Variants in BCL2L13 observed in about 807,000 individuals in gnomAD.
The protein encoded by BCL2L13 is BCL2 like 13.
BCL2L13 carries 13 observed loss-of-function variants against 25.8 expected under a neutral mutation model. That is an observed-to-expected ratio of 0.50 (90% confidence interval 0.33 to 0.80). BCL2L13 has a LOEUF of 0.80. Among genes scored for constraint, BCL2L13 ranks in the 30% least tolerant of loss-of-function variants. The probability of loss-of-function intolerance (pLI) is 0.02; values close to 1 mark genes in which losing one functional copy is unlikely to be tolerated. For synonymous variants in BCL2L13, 244 were observed against 230.3 expected, an observed-to-expected ratio of 1.06 and a Z score of -0.54; for missense variants, 504 against 574.9, an observed-to-expected ratio of 0.88 and a Z score of 1.26.
intron 2 of BCL2L13, among the ~76,000 whole-genome samples, chr22:17,679,288 T>TG (rs1568963048): frequency 1.4e-3 from 101 of 71,238 alleles, no homozygotes; most frequent in African/African-American, 4.9e-3. Context: ...TTTTTTTTTT[T>TG]GAGACAGTTT....
At chr22:17,725,110 TC>T (rs1404242110) in intron 6 of BCL2L13, among the ~76,000 whole-genome samples, 2 of 152,194 alleles carry the variant, frequency 1.3e-5, no homozygotes, top group Non-Finnish European at 2.9e-5. Context: ...CACTCAGACT[TC>T]CTGACAAAAG....
intron 5 of BCL2L13, among the ~76,000 whole-genome samples, chr22:17,700,242 AAG>A (rs1254879249): frequency 2.0e-5 from 3 of 152,164 alleles, no homozygotes; most frequent in African/African-American, 7.2e-5. Context: ...AAAACAGAAT[AAG>A]AGAATAGTGG....
intron 2 of BCL2L13, among the ~76,000 whole-genome samples, chr22:17,682,755 T>C (rs2059793368): frequency 6.6e-6 from 1 of 152,216 alleles, no homozygotes; most frequent in African/African-American, 2.4e-5. Flanking sequence ...TTTTGATTTT[T>C]GTTTTTTAAT....
upstream of BCL2L13, among the ~76,000 whole-genome samples, chr22:17,634,310 C>T (rs1165582079): frequency 1.3e-5 from 2 of 152,008 alleles, no homozygotes; most frequent in Admixed American, 6.6e-5. Flanking sequence ...CTCAGTCTCC[C>T]GAGTAGCTGG....
chr22:17,697,284 C>A (rs1188304502), intron 5 of BCL2L13, among the ~76,000 whole-genome samples: 1 of 151,940 alleles, frequency 6.6e-6, no homozygotes, highest in African/African-American at 2.4e-5. Flanking sequence ...ACTAAAAATA[C>A]AAAATTAGCT....
At chr22:17,721,851 G>T (rs1017462936) in intron 6 of BCL2L13, among the ~76,000 whole-genome samples, 1 of 151,546 alleles carries the variant, frequency 6.6e-6, no homozygotes, top group Admixed American at 6.6e-5. Context: ...TAGTAGAGAC[G>T]GGGTTTCACC....
At chr22:17,722,839 C>A (rs1042492009) in intron 6 of BCL2L13, among the ~76,000 whole-genome samples, 9 of 152,088 alleles carry the variant, frequency 5.9e-5, no homozygotes, top group African/African-American at 1.7e-4. Flanking sequence ...ATATATATAT[C>A]CCTTTAGGAT....
At chr22:17,678,170 A>T (rs1042081133) in intron 2 of BCL2L13, among the ~76,000 whole-genome samples, 2 of 152,140 alleles carry the variant, frequency 1.3e-5, no homozygotes, top group African/African-American at 4.8e-5. Context: ...CGATGGGAAC[A>T]TGCCACTGTG....
At chr22:17,690,780 A>T (rs756413789) in intron 4 of BCL2L13, among the ~76,000 whole-genome samples, 1 of 152,196 alleles carries the variant, frequency 6.6e-6, no homozygotes, top group Non-Finnish European at 1.5e-5. Context: ...AATAAAAATT[A>T]AAAAAGTCGT....
intron 1 of BCL2L13, among the ~76,000 whole-genome samples, chr22:17,651,416 T>C (rs919015354): frequency 1.3e-5 from 2 of 152,032 alleles, no homozygotes; most frequent in African/African-American, 2.4e-5. Context: ...GGAGTCTTAC[T>C]CTGTTGCCCA....
intron 1 of BCL2L13, among the ~76,000 whole-genome samples, chr22:17,651,234 G>A (rs374145752): frequency 4.2e-4 from 63 of 149,856 alleles, no homozygotes; most frequent in African/African-American, 1.4e-3. Flanking sequence ...TCCTGACCTC[G>A]TGATCTACCC....
intron 5 of BCL2L13, among the ~76,000 whole-genome samples, chr22:17,700,614 A>G (rs1458184500): frequency 6.6e-6 from 1 of 152,180 alleles, no homozygotes; most frequent in South Asian, 2.1e-4. Flanking sequence ...ACCTGCTTCT[A>G]CCCGAGGCAA....
intron 1 of BCL2L13, among the ~76,000 whole-genome samples, chr22:17,655,378 C>G (rs1472891853): frequency 1.3e-5 from 2 of 148,462 alleles, no homozygotes; most frequent in African/African-American, 5.0e-5. Context: ...AGTAAGTCAT[C>G]TAGTATTATC....
intron 1 of BCL2L13, among the ~76,000 whole-genome samples, chr22:17,629,256 T>C (rs1478879142): frequency 6.6e-6 from 1 of 152,136 alleles, no homozygotes; most frequent in African/African-American, 2.4e-5. Context: ...TCAACCTTGA[T>C]TACCTGAATA....
At chr22:17,712,043 A>G (rs2060778163) in intron 6 of BCL2L13, among the ~76,000 whole-genome samples, 1 of 151,700 alleles carries the variant, frequency 6.6e-6, no homozygotes, top group African/African-American at 2.4e-5. Context: ...TTTTGGTGTA[A>G]ATTTTTAATG....
intron 3 of BCL2L13, among the ~76,000 whole-genome samples, chr22:17,684,315 AAATAAT>A (rs997323920): frequency 2.0e-5 from 3 of 152,002 alleles, no homozygotes; most frequent in African/African-American, 7.3e-5. Flanking sequence ...TTTATTAAAT[AAATAAT>A]AATAATAATA....
intron 6 of BCL2L13, among the ~76,000 whole-genome samples, chr22:17,710,536 C>T (rs972189749): frequency 2.6e-5 from 4 of 151,252 alleles, no homozygotes; most frequent in Admixed American, 1.3e-4. Flanking sequence ...GCTGAGATCA[C>T]GCCACTGCAC....
chr22:17,727,322 G>T lies in BCL2L13; in HGVS notation c.1246G>T (p.Ala416Ser), dbSNP rs1034245755. The change falls in exon 7 of 7, where the codon GCA (alanine) becomes TCA (serine). Residue 416 changes from alanine (A) to serine (S), a missense_variant. Transcript: ENST00000317582. ...GCTGCTGAGTGAGAAGGAGATAAAC[G>T]CAAGGGAAGAGAGCCTTGTGGAAGA... The part of the protein sequence containing the change: ...ETLLSEKEIN[A>S]REESLVEELS... 1 of 1,614,242 alleles carries T rather than the reference G, an allele frequency of 6.2e-7. No individual in the cohort carries two copies.
intron 4 of BCL2L13, 65 bp from the exon 5 acceptor site, chr22:17,696,076 G>A (rs1282448900): frequency 1.7e-6 from 2 of 1,149,884 alleles, no homozygotes; most frequent in South Asian, 1.2e-5. Context: ...GACTGTATAT[G>A]TATTCATCTG....
Sources: allele counts gnomAD v4.1 joint callset (sites outside exome capture counted in the v4.1 genomes callset), GRCh38; gene constraint gnomAD v4.1.1; transcripts MANE v1.5; gene names NCBI Gene and HGNC (gene_info 2026-07-23, HGNC 2026-07-21).